Variants in MYO1H observed in about 807,000 individuals in gnomAD.
The protein encoded by MYO1H is myosin IH.
MYO1H carries 118 observed loss-of-function variants against 149.3 expected under a neutral mutation model. The observed-to-expected ratio is 0.79, with a 90% CI of 0.68 to 0.92. MYO1H has a LOEUF of 0.92. MYO1H is among the 40% of genes least tolerant of loss of function. The pLI, the probability that MYO1H is intolerant of heterozygous loss-of-function variation, is 0.00. For synonymous variants in MYO1H, 447 were observed against 465.2 expected, an observed-to-expected ratio of 0.96 and a Z score of 0.50; for missense variants, 1,212 against 1,280.7, an observed-to-expected ratio of 0.95 and a Z score of 0.82.
At chr12:109,327,122 C>CTTTTTTTTTTTTTTTT in the MYO1H span, among the ~76,000 whole-genome samples, 98 of 111,358 alleles carry the variant, frequency 8.8e-4, 5 homozygotes, top group Middle Eastern at 5.3e-3. Flanking sequence ...TTTTCTTTTT[C>CTTTTTTTTTTTTTTTT]TTTTTCTTTT....
chr12:109,444,039 C>T (rs974143451), intron 28 of MYO1H, among the ~76,000 whole-genome samples, 174 bp from the exon 29 acceptor site: 18 of 152,202 alleles, frequency 1.2e-4, no homozygotes, highest in Non-Finnish European at 2.1e-4. Flanking sequence ...TCTGCTTCCA[C>T]GGTGATCAGA....
intron 1 of MYO1H, among the ~76,000 whole-genome samples, chr12:109,387,494 C>G (rs1869395134): frequency 1.3e-5 from 2 of 152,226 alleles, no homozygotes; most frequent in African/African-American, 4.8e-5. Context: ...TGAGCAATAA[C>G]CAACTGCACG....
the MYO1H span, among the ~76,000 whole-genome samples, chr12:109,335,154 A>G: frequency 2.2e-3 from 329 of 152,216 alleles, 1 homozygote; most frequent in Non-Finnish European, 3.4e-3. Context: ...TTATTTATCC[A>G]TTTGTCAGTT....
chr12:109,415,380 C>A, intron 14 of MYO1H, 146 bp from the exon 15 acceptor site: 1 of 604,166 alleles, frequency 1.7e-6, no homozygotes, highest in Non-Finnish European at 2.9e-6. Context: ...GAGGCTGAGG[C>A]AGGAGAATCG....
At chr12:109,426,902 G>A (rs980231064) in intron 18 of MYO1H, among the ~76,000 whole-genome samples, 3 of 152,148 alleles carry the variant, frequency 2.0e-5, no homozygotes, top group Non-Finnish European at 2.9e-5. Context: ...GGGCAACAGC[G>A]CTACTCCTCT....
intron 3 of MYO1H, among the ~76,000 whole-genome samples, chr12:109,394,142 T>C (rs577521252): frequency 2.4e-4 from 37 of 152,346 alleles, no homozygotes; most frequent in African/African-American, 8.4e-4. Context: ...GCCTGCAGTA[T>C]GGCCAGAATT....
At chr12:109,337,021 C>G in the MYO1H span, among the ~76,000 whole-genome samples, 1 of 152,190 alleles carries the variant, frequency 6.6e-6, no homozygotes, top group Admixed American at 6.5e-5. Flanking sequence ...CCCACTACCC[C>G]ATCCCAAAAC....
At chr12:109,418,475 G>A (rs754484343) in intron 15 of MYO1H, among the ~76,000 whole-genome samples, 17 of 150,746 alleles carry the variant, frequency 1.1e-4, no homozygotes, top group South Asian at 4.2e-4. Context: ...TCAGCCTCCC[G>A]AGTAGCTGGG....
At chr12:109,438,421 G>C in intron 22 of MYO1H, 115 bp from the exon 23 acceptor site, 1 of 741,350 alleles carries the variant, frequency 1.3e-6, no homozygotes, top group Non-Finnish European at 2.3e-6. Flanking sequence ...GAGGCTAACA[G>C]AGTGCTGCGG....
At chr12:109,334,309 C>T in the MYO1H span, among the ~76,000 whole-genome samples, 45 of 152,158 alleles carry the variant, frequency 3.0e-4, no homozygotes, top group South Asian at 1.2e-3. Flanking sequence ...CATGAGCCAC[C>T]GTGCCCAGCC....
At chr12:109,446,145 T>C (rs1279887839) in intron 31 of MYO1H, 4 of 985,324 alleles carry the variant, frequency 4.1e-6, no homozygotes, top group Non-Finnish European at 3.6e-6. Context: ...GTTAATACCT[T>C]TGGTATAAAA....
the MYO1H span, among the ~76,000 whole-genome samples, chr12:109,326,486 ATATTTTATTTTATTT>A: frequency 4.9e-3 from 677 of 137,448 alleles, 2 homozygotes; most frequent in African/African-American, 0.015. Context: ...CCTTTTTTTT[ATATTTTATTTTATTT>A]TATTTTATTT....
Position 109,442,037 on chromosome 12 carries a change from ACT to A in MYO1H, c.2633-177_2633-176del, listed in dbSNP as rs372445646. On this transcript the variant is annotated intron_variant, in intron 26 of 31. Transcript: ENST00000310903. ...ACTCCAGCCTGGGAGACAGAGCGAGACTCTGTCTCCAAAAAAATAAGTCAAAG... is the reference window on the plus strand; with the variant it reads ...ACTCCAGCCTGGGAGACAGAGCGAGACTGTCTCCAAAAAAATAAGTCAAAG... 2.6e-5 allele frequency among the ~76,000 whole-genome samples: 4 copies of A among 151,898 alleles called. No individual in the cohort carries two copies. In the South Asian group the frequency reaches 8.3e-4, roughly 32 times the overall value.
rs545920803 is a variant in MYO1H, at chr12:109,379,974, G to T, written c.13-8709G>T. Among the ~76,000 whole-genome samples the T allele has an allele frequency of 1.6e-3, 250 of 152,016 alleles. 1 individual carries two copies. Among genetic ancestry groups the T allele is most frequent in the Non-Finnish European group, 2.7e-3 (183 of 67,948 alleles). ...TGTCGATGTCTTAACCTCGTGATCC[G>T]CCCACCTCAGCCTCCCAAAGTGCTG... On this transcript the variant is annotated intron_variant, in intron 1 of 31. Coordinates refer to ENST00000310903, the Ensembl canonical transcript of MYO1H.
At chr12:109,432,527 T>A (rs752099116) in intron 19 of MYO1H, among the ~76,000 whole-genome samples, 1 of 152,224 alleles carries the variant, frequency 6.6e-6, no homozygotes, top group Non-Finnish European at 1.5e-5. Context: ...CTATTATGAA[T>A]CATAGCACCA....
the MYO1H span, among the ~76,000 whole-genome samples, chr12:109,313,396 A>G: frequency 6.6e-6 from 1 of 152,192 alleles, no homozygotes; most frequent in South Asian, 2.1e-4. Flanking sequence ...AATGTCCAAC[A>G]ACAACTTCAG....
At chr12:109,436,947 A>C (rs867579034) in intron 22 of MYO1H, among the ~76,000 whole-genome samples, 12 of 151,658 alleles carry the variant, frequency 7.9e-5, no homozygotes, top group African/African-American at 2.9e-4. Context: ...AAAACAAAAC[A>C]CCCAAAAATT....
rs577076979 is a variant in MYO1H at position 109,435,799 on chromosome 12, T to A, written c.2140+686T>A. ...CTACACAGCAAGTAAGCAGCCTAGC[T>A]GCGGTTTGAACCTGGGTCTGTCTGG... On this transcript the variant is annotated intron_variant, in intron 21 of 31. Coordinates refer to ENST00000310903, the Ensembl canonical transcript of MYO1H. Among the ~76,000 whole-genome samples, 9 of 152,354 alleles carry A rather than the reference T, an allele frequency of 5.9e-5. No individual in the cohort carries two copies. In the South Asian group the frequency reaches 1.9e-3, roughly 32 times the overall value.
chr12:109,427,495 C>T (rs1339551477), exon 19 of MYO1H: 1 of 1,612,350 alleles, frequency 6.2e-7, no homozygotes, highest in Non-Finnish European at 8.5e-7. Flanking sequence ...CCTCATAAGG[C>T]ATCAGATCAA....
Sources: gnomAD v4.1 joint callset for allele counts (sites outside exome capture counted in the v4.1 genomes callset) on GRCh38, gnomAD v4.1.1 for gene constraint, MANE v1.5 for transcripts, NCBI Gene and HGNC (gene_info 2026-07-23, HGNC 2026-07-21) for gene names.